Variants in RNF217 observed in about 807,000 individuals in gnomAD.
The protein encoded by RNF217 is E3 ubiquitin-protein ligase RNF217.
Under a neutral mutation model 57.8 loss-of-function variants are expected in RNF217, and 31 were observed. That is an observed-to-expected ratio of 0.54 (90% CI 0.40 to 0.72). The LOEUF is 0.72. Among genes scored for constraint, RNF217 ranks in the 30% least tolerant of loss-of-function variants. The probability of loss-of-function intolerance (pLI) is 0.00; values close to 1 mark genes in which losing one functional copy is unlikely to be tolerated. For missense variants in RNF217, 696 were observed against 708.3 expected, an observed-to-expected ratio of 0.98 and a Z score of 0.20; for synonymous variants, 313 against 294.0, an observed-to-expected ratio of 1.06 and a Z score of -0.66.
chr6:125,082,888 G>A lies in RNF217; in HGVS notation c.1580G>A (p.Cys527Tyr). ...VIGLFVFPIY[C>Y]LCKKQRKRSR... ...GGTTTATTTGTATTTCCTATCTATT[G>A]CCTTTGTAAAAAACAGAGAAAACGA... The change falls in exon 6 of 6, where the codon TGC (cysteine) becomes TAC (tyrosine). Residue 527 changes from cysteine (C) to tyrosine (Y), a missense_variant. This residue lies in a region of RNF217 where 231 missense variants were observed against 321.4 expected (regional missense o/e 0.72). Transcript: ENST00000521654. The A allele has an allele frequency of 6.2e-7, 1 of 1,603,108 alleles. No homozygotes were observed. Among genetic ancestry groups the A allele is most frequent in the South Asian group, 1.1e-5 (1 of 88,824 alleles).
chr6:125,065,328 T>C (rs1787898640), intron 3 of RNF217, among the ~76,000 whole-genome samples: 2 of 151,876 alleles, frequency 1.3e-5, no homozygotes, highest in African/African-American at 4.8e-5. Context: ...AAATGTTATT[T>C]TGTGTTTATA....
intron 1 of RNF217, among the ~76,000 whole-genome samples, chr6:125,010,811 G>T (rs996569708): frequency 2.0e-5 from 3 of 152,142 alleles, no homozygotes; most frequent in Non-Finnish European, 2.9e-5. Context: ...CTGTGCCTGG[G>T]TGTAGCAGAG....
rs1233559361 is a variant in RNF217, at chr6:125,087,520, TTAAA to T, written c.*4587_*4590del. 1.3e-5 allele frequency: 2 copies of T among 152,122 alleles called. No homozygotes were observed. The highest frequency in any genetic ancestry group is 4.8e-5 in the African/African-American group (2 of 41,434). The allele number at this position is 152,122 out of a possible 1,614,324, so 9.4% of individuals were successfully genotyped here. On this transcript the variant is annotated 3_prime_UTR_variant, in exon 6 of 6. Transcript: ENST00000521654. Reference sequence around the variant, plus strand: ...ATGCACTTTAAAATATTTGTGCCATTTAAATAATGACAAAGCAATCAATGCATAC... The same window carrying T: ...ATGCACTTTAAAATATTTGTGCCATTTAATGACAAAGCAATCAATGCATAC...
chr6:125,032,984 G>C (rs1786424645), intron 1 of RNF217, among the ~76,000 whole-genome samples: 1 of 152,128 alleles, frequency 6.6e-6, no homozygotes, highest in African/African-American at 2.4e-5. Flanking sequence ...ACACGTGAGT[G>C]TGGTTTTATT....
intron 1 of RNF217, among the ~76,000 whole-genome samples, chr6:124,992,412 G>T (rs1784593098): frequency 6.6e-6 from 1 of 152,092 alleles, no homozygotes; most frequent in African/African-American, 2.4e-5. Flanking sequence ...AAACTAAGAG[G>T]CTATAGAACA....
chr6:125,034,323 T>A (rs1349549702), intron 1 of RNF217, among the ~76,000 whole-genome samples: 2 of 152,202 alleles, frequency 1.3e-5, no homozygotes, highest in Non-Finnish European at 1.5e-5. Flanking sequence ...GTTTTTATGG[T>A]TTTAGGTCTA....
chr6:125,002,644 G>A (rs796836294), intron 1 of RNF217, among the ~76,000 whole-genome samples: 86 of 152,118 alleles, frequency 5.7e-4, no homozygotes, highest in African/African-American at 1.9e-3. Context: ...CGCTGGCCCC[G>A]TATGTTCCTG....
intron 1 of RNF217, among the ~76,000 whole-genome samples, chr6:124,986,326 A>G (rs757601408): frequency 6.6e-6 from 1 of 152,154 alleles, no homozygotes; most frequent in Non-Finnish European, 1.5e-5. Flanking sequence ...CCACATCAAG[A>G]AAGTTTTGTG....
At chr6:125,043,281 A>C (rs996319070) in intron 1 of RNF217, among the ~76,000 whole-genome samples, 2 of 151,968 alleles carry the variant, frequency 1.3e-5, no homozygotes, top group African/African-American at 4.8e-5. Flanking sequence ...CCTTTGCCCA[A>C]GTTGTCTCTT....
At chr6:124,965,257 G>C (rs1433997538) in intron 1 of RNF217, among the ~76,000 whole-genome samples, 1 of 152,102 alleles carries the variant, frequency 6.6e-6, no homozygotes, top group African/African-American at 2.4e-5. Context: ...CAAAGTATTT[G>C]CTGGGACTTT....
At chr6:125,053,995 G>T (rs1484232681) in intron 2 of RNF217, among the ~76,000 whole-genome samples, 1 of 152,112 alleles carries the variant, frequency 6.6e-6, no homozygotes, top group Non-Finnish European at 1.5e-5. Context: ...AATTAGATAT[G>T]TTGGTTTTTC....
intron 1 of RNF217, among the ~76,000 whole-genome samples, chr6:125,008,572 G>C (rs1236072367): frequency 6.6e-6 from 1 of 152,118 alleles, no homozygotes; most frequent in Non-Finnish European, 1.5e-5. Flanking sequence ...CTGATGAAAA[G>C]TCTTGTGCCC....
chr6:125,042,853 G>A (rs1283951841), intron 1 of RNF217, among the ~76,000 whole-genome samples: 1 of 151,988 alleles, frequency 6.6e-6, no homozygotes, highest in Non-Finnish European at 1.5e-5. Flanking sequence ...TAAACTCATA[G>A]GTGAAGAAGG....
chr6:125,039,191 T>C (rs1786773892), intron 1 of RNF217, among the ~76,000 whole-genome samples: 1 of 152,174 alleles, frequency 6.6e-6, no homozygotes, highest in Admixed American at 6.6e-5. Context: ...CATTCCTTTT[T>C]ATGGCTGCAT....
intron 1 of RNF217, among the ~76,000 whole-genome samples, chr6:125,041,960 TG>T (rs1375222451): frequency 6.6e-6 from 1 of 152,048 alleles, no homozygotes; most frequent in Non-Finnish European, 1.5e-5. Flanking sequence ...TAATTTCTTT[TG>T]ATTATAAAAA....
At chr6:124,997,055 G>A (rs755302722) in intron 1 of RNF217, among the ~76,000 whole-genome samples, 22 of 152,240 alleles carry the variant, frequency 1.4e-4, no homozygotes, top group Middle Eastern at 3.4e-3. Context: ...TGCTGGTAGA[G>A]TCTATTTTTT....
intron 1 of RNF217, among the ~76,000 whole-genome samples, chr6:125,028,181 T>C (rs1007940872): frequency 6.6e-6 from 1 of 152,134 alleles, no homozygotes; most frequent in Non-Finnish European, 1.5e-5. Flanking sequence ...GTCCTATTCT[T>C]AATGCCAGAT....
In RNF217 at chr6:125,085,623, A is replaced by G. The variant is rs1788749410; in HGVS notation, c.*2686A>G. On this transcript the variant is annotated 3_prime_UTR_variant, in exon 6 of 6. Transcript: ENST00000521654. ...CTTTCTATCCAAGGCTTGTCATTTTATATGCTTTTATTGTAAATTTAATAT... is the reference window on the plus strand; with the variant it reads ...CTTTCTATCCAAGGCTTGTCATTTTGTATGCTTTTATTGTAAATTTAATAT... 3 of 151,890 alleles carry G rather than the reference A, an allele frequency of 2.0e-5. No homozygotes were observed. The highest frequency in any genetic ancestry group is 7.2e-5 in the African/African-American group (3 of 41,412). 9.4% of individuals were successfully genotyped at this position (151,890 alleles called of 1,614,324 possible).
At position 125,083,383 on chromosome 6, in the gene RNF217, A is replaced by G. The variant is rs1218643382; in HGVS notation, c.*446A>G. The G allele has an allele frequency of 6.5e-6, 1 of 152,798 alleles. No individual in the cohort carries two copies. Among genetic ancestry groups the G allele is most frequent in the Non-Finnish European group, 1.5e-5 (1 of 68,520 alleles). The allele number at this position is 152,798 out of a possible 1,614,324, so 9.5% of individuals were successfully genotyped here. On this transcript the variant is annotated 3_prime_UTR_variant, in exon 6 of 6. Transcript: ENST00000521654. ...CAAGCAAGGCCACTTTTCAGAAGATAAGAGTTCACTGAATGCACCTATTAT... is the reference window on the plus strand; with the variant it reads ...CAAGCAAGGCCACTTTTCAGAAGATGAGAGTTCACTGAATGCACCTATTAT...
Sources: allele counts gnomAD v4.1 joint callset (sites outside exome capture counted in the v4.1 genomes callset), GRCh38; gene constraint gnomAD v4.1.1; regional missense constraint gnomAD v4.1.1; transcripts MANE v1.5; gene names NCBI Gene and HGNC (gene_info 2026-07-23, HGNC 2026-07-21).